Variants in DPY19L3 observed in about 807,000 individuals in gnomAD.
DPY19L3 encodes the protein dpy-19 like C-mannosyltransferase 3.
Under a neutral mutation model 92.3 loss-of-function variants are expected in DPY19L3, and 51 were observed. That is an observed-to-expected ratio of 0.55 (90% CI 0.44 to 0.70). DPY19L3 has a LOEUF of 0.70. Ranked by LOEUF, DPY19L3 falls within the 30% of genes least tolerant of loss-of-function variation. The pLI, the probability that DPY19L3 is intolerant of heterozygous loss-of-function variation, is 0.00. For synonymous variants in DPY19L3, 309 were observed against 315.2 expected, an observed-to-expected ratio of 0.98 and a Z score of 0.21; for missense variants, 706 against 855.9, an observed-to-expected ratio of 0.82 and a Z score of 2.18.
chr19:32,413,710 T>A (rs1968277531), intron 3 of DPY19L3, among the ~76,000 whole-genome samples: 2 of 151,570 alleles, frequency 1.3e-5, no homozygotes. Context: ...TTTTACTCGT[T>A]TATATATCTT....
At chr19:32,457,737 G>A (rs889783641) in intron 10 of DPY19L3, among the ~76,000 whole-genome samples, 30 of 152,222 alleles carry the variant, frequency 2.0e-4, no homozygotes, top group Admixed American at 1.8e-3. Flanking sequence ...ATCTATTTGA[G>A]GTTTCAGATC....
At chr19:32,476,752 CAT>C (rs1970524214) in intron 16 of DPY19L3, among the ~76,000 whole-genome samples, 1 of 152,084 alleles carries the variant, frequency 6.6e-6, no homozygotes, top group Non-Finnish European at 1.5e-5. Flanking sequence ...CCTTAAACTG[CAT>C]ATAGTTTCTC....
chr19:32,416,183 C>CA, intron 3 of DPY19L3, among the ~76,000 whole-genome samples: 1 of 152,260 alleles, frequency 6.6e-6, no homozygotes, highest in East Asian at 1.9e-4. Context: ...TGAACAGAGT[C>CA]AGAGCTTTTT....
chr19:32,436,609 C>A (rs769905054), intron 5 of DPY19L3, 42 bp downstream of exon 5: 4 of 1,380,204 alleles, frequency 2.9e-6, no homozygotes, highest in South Asian at 1.9e-5. Context: ...AGATGAAAGT[C>A]AAAGTCTGCC....
intron 10 of DPY19L3, 64 bp from the exon 11 acceptor site, chr19:32,458,036 G>A: frequency 8.0e-7 from 1 of 1,244,092 alleles, no homozygotes; most frequent in South Asian, 1.3e-5. Flanking sequence ...AATTCAATGG[G>A]AAGTTATCAG....
At chr19:32,439,020 T>A in intron 6 of DPY19L3, 92 bp from the exon 7 acceptor site, 1 of 1,377,414 alleles carries the variant, frequency 7.3e-7, no homozygotes, top group Non-Finnish European at 1.0e-6. Flanking sequence ...AGTATACTTG[T>A]CCTTAATGTA....
intron 8 of DPY19L3, among the ~76,000 whole-genome samples, chr19:32,450,409 T>C (rs545234871): frequency 6.6e-6 from 1 of 152,254 alleles, no homozygotes; most frequent in South Asian, 2.1e-4. Context: ...AATGAAAACA[T>C]ATCCATGCAA....
chr19:32,441,264 C>G (rs1349554815), intron 8 of DPY19L3, among the ~76,000 whole-genome samples: 1 of 152,010 alleles, frequency 6.6e-6, no homozygotes, highest in African/African-American at 2.4e-5. Flanking sequence ...TGACTTGAGC[C>G]AATAGCAATA....
chr19:32,434,502 C>T (rs1969074173), intron 4 of DPY19L3, among the ~76,000 whole-genome samples: 1 of 151,950 alleles, frequency 6.6e-6, no homozygotes, highest in African/African-American at 2.4e-5. Flanking sequence ...ACTAAAAATA[C>T]AAAAAAATTA....
chr19:32,407,876 A>G (rs1330510189), intron 1 of DPY19L3, among the ~76,000 whole-genome samples: 3 of 152,128 alleles, frequency 2.0e-5, no homozygotes, highest in African/African-American at 4.8e-5. Context: ...GGAGGATCGC[A>G]TGAGGCCAGG....
At chr19:32,437,769 G>GT (rs1304066022) in intron 6 of DPY19L3, among the ~76,000 whole-genome samples, 6 of 120,628 alleles carry the variant, frequency 5.0e-5, no homozygotes, top group Non-Finnish European at 8.3e-5. Flanking sequence ...TCATTAAAAA[G>GT]TTTTTTGGGT....
chr19:32,467,956 A>G (rs1970247047), intron 15 of DPY19L3: 1 of 985,324 alleles, frequency 1.0e-6, no homozygotes, highest in South Asian at 4.7e-5. Flanking sequence ...AGCCAGATGT[A>G]CCAGATATTC....
rs1433800208 is a variant in DPY19L3, at chr19:32,455,036, TTAAG to T, written c.1086_1089del (p.Lys364PhefsTer4). Reference sequence around the variant, plus strand: ...TTGACACTTTTTCTCAACAACATAATTAAGGTAAGTTAATAAAAATGACATGTTT... The same window carrying T: ...TTGACACTTTTTCTCAACAACATAATGTAAGTTAATAAAAATGACATGTTT... On this transcript the variant is annotated frameshift_variant and splice_region_variant, in exon 10 of 19. Coordinates refer to ENST00000392250, the MANE Select transcript of DPY19L3 (RefSeq NM_001172774.2). LOFTEE classifies it high-confidence loss of function. 1 of 1,488,834 alleles carries T rather than the reference TTAAG, an allele frequency of 6.7e-7. No homozygotes were observed. The highest frequency in any genetic ancestry group is 1.4e-5 in the African/African-American group (1 of 69,580). The allele number at this position is 1,488,834 out of a possible 1,614,324, so 92.2% of individuals were successfully genotyped here. A position where few individuals can be genotyped will look rare whatever the true frequency, so the allele number is the denominator to read the frequency against.
chr19:32,446,940 C>G (rs1366027650), intron 8 of DPY19L3, among the ~76,000 whole-genome samples: 1 of 152,082 alleles, frequency 6.6e-6, no homozygotes, highest in South Asian at 2.1e-4. Context: ...AGAATACTTA[C>G]CAACAGACTA....
Position 32,483,669 on chromosome 19 carries a change from A to G in DPY19L3, c.*1429A>G, listed in dbSNP as rs934856693. ...TTACACTGTCATGTTGGACACAAGC[A>G]GACTCAGCTTTTATCAAAACTTGTT... On this transcript the variant is annotated 3_prime_UTR_variant, in exon 19 of 19. Coordinates refer to ENST00000392250, the MANE Select transcript of DPY19L3 (RefSeq NM_001172774.2). 3.9e-5 allele frequency: 6 copies of G among 152,218 alleles called. No individual in the cohort carries two copies. The highest frequency in any genetic ancestry group is 1.4e-4 in the African/African-American group (6 of 41,430). The allele number at this position is 152,218 out of a possible 1,614,324, so 9.4% of individuals were successfully genotyped here. A position where few individuals can be genotyped will look rare whatever the true frequency, so the allele number is the denominator to read the frequency against.
intron 2 of DPY19L3, among the ~76,000 whole-genome samples, chr19:32,410,628 C>A (rs76225542): frequency 6.6e-6 from 1 of 152,008 alleles, no homozygotes; most frequent in African/African-American, 2.4e-5. Context: ...ACTAAAAATA[C>A]AAAAATTAGC....
Position 32,436,508 on chromosome 19 carries a change from C to A in DPY19L3, c.391C>A (p.Arg131=). The change falls in exon 5 of 19, where the codon CGA becomes AGA. Residue 131 remains arginine, a synonymous_variant. Transcript: ENST00000392250. ...ESMKTINLLQ[R]MNIYQEVFLS... is the part of the protein sequence containing the mutation. The stretch of plus-strand genomic sequence containing the variant: ...TATGAAGACAATTAACCTCCTTCAG[C>A]GAATGAATATTTACCAAGAGGTTTT... The A allele has an allele frequency of 6.3e-7, 1 of 1,576,588 alleles. No individual in the cohort carries two copies. Among genetic ancestry groups the A allele is most frequent in the South Asian group, 1.1e-5 (1 of 87,310 alleles).
At chr19:32,432,945 GA>G (rs36111435) in intron 4 of DPY19L3, 139 bp downstream of exon 4, 10 of 658,476 alleles carry the variant, frequency 1.5e-5, no homozygotes, top group Non-Finnish European at 2.5e-5. Flanking sequence ...ATCATTTCAT[GA>G]AAATGTTTTT....
chr19:32,458,239 A>G (rs1046418481), intron 11 of DPY19L3, 66 bp downstream of exon 11: 14 of 1,583,248 alleles, frequency 8.8e-6, no homozygotes, highest in Non-Finnish European at 9.5e-6. Flanking sequence ...TTAAAACTTA[A>G]GTTGTCATTG....
Sources: allele counts gnomAD v4.1 joint callset (sites outside exome capture counted in the v4.1 genomes callset), GRCh38; gene constraint gnomAD v4.1.1; transcripts MANE v1.5; gene names NCBI Gene and HGNC (gene_info 2026-07-23, HGNC 2026-07-21).